The following MALRD1 variants were observed in gnomAD, a reference collection of about 807,000 sequenced individuals.
MALRD1 encodes the protein MAM and LDL receptor class A domain containing 1, also known as MAM and LDL-receptor class A domain-containing protein 1.
A neutral mutation model predicts 242.1 loss-of-function variants in MALRD1; 247 were observed. That is an observed-to-expected ratio of 1.02 (90% confidence interval 0.92 to 1.13). The LOEUF is 1.13. Ranked by LOEUF, MALRD1 falls within the 50% of genes most tolerant of loss-of-function variation. The pLI is 0.00. For synonymous variants in MALRD1, 995 were observed against 866.6 expected (o/e 1.15, Z -2.60); for missense variants, 2,989 against 2,533.1 (o/e 1.18, Z -3.86).
intron 4 of MALRD1, among the ~76,000 whole-genome samples, chr10:19,096,856 G>C (rs953354124): frequency 6.6e-6 from 1 of 152,098 alleles, no homozygotes. Flanking sequence ...AGCTTAGCAC[G>C]GGCTTTGGAG....
At chr10:19,694,650 T>C (rs1833282275) in intron 38 of MALRD1, among the ~76,000 whole-genome samples, 2 of 152,216 alleles carry the variant, frequency 1.3e-5, no homozygotes, top group Non-Finnish European at 2.9e-5. Context: ...TCAACCATTG[T>C]GGAAGACAGT....
chr10:19,384,824 G>A (rs1452259538), intron 26 of MALRD1, among the ~76,000 whole-genome samples: 3 of 150,280 alleles, frequency 2.0e-5, no homozygotes, highest in African/African-American at 7.3e-5. Flanking sequence ...TGCCAAGACT[G>A]GGCATTAATT....
At chr10:19,447,063 T>TAC (rs1177164282) in intron 28 of MALRD1, among the ~76,000 whole-genome samples, 1 of 64,456 alleles carries the variant, frequency 1.6e-5, no homozygotes, top group Non-Finnish European at 3.1e-5. Flanking sequence ...CACACACACA[T>TAC]ACACAGACAC....
chr10:19,567,501 G>A lies in MALRD1; in HGVS notation c.5479-1G>A. 6.5e-7 allele frequency: 1 copy of A among 1,549,828 alleles called. No homozygotes were observed. Among genetic ancestry groups the A allele is most frequent in the Non-Finnish European group, 8.7e-7 (1 of 1,146,494 alleles). On this transcript the variant is annotated splice_acceptor_variant, in intron 32 of 39. Coordinates refer to ENST00000454679, the MANE Select transcript of MALRD1 (RefSeq NM_001142308.3). LOFTEE classifies it high-confidence loss of function. Reference sequence around the variant, plus strand: ...AAGTTATTTTTTAATGATTTTTAAAGGTGTATACCATTGAAGAATCGGGGC... The same window carrying A: ...AAGTTATTTTTTAATGATTTTTAAAAGTGTATACCATTGAAGAATCGGGGC...
At chr10:19,315,797 A>G (rs1373352052) in intron 21 of MALRD1, among the ~76,000 whole-genome samples, 1 of 143,648 alleles carries the variant, frequency 7.0e-6, no homozygotes, top group Non-Finnish European at 1.5e-5. Flanking sequence ...TATAATTTAT[A>G]TAATTTACTA....
At chr10:19,068,936 G>T (rs948380803) in intron 2 of MALRD1, among the ~76,000 whole-genome samples, 1 of 152,074 alleles carries the variant, frequency 6.6e-6, no homozygotes, top group Non-Finnish European at 1.5e-5. Context: ...GGGAAAGAAG[G>T]ATTAAAATGT....
At chr10:19,333,321 C>A (rs766597476) in intron 24 of MALRD1, among the ~76,000 whole-genome samples, 11 of 151,988 alleles carry the variant, frequency 7.2e-5, no homozygotes, top group South Asian at 6.2e-4. Context: ...TAGTAGTCCC[C>A]AGCTCTTATT....
At chr10:19,267,928 A>G (rs1193573265) in intron 19 of MALRD1, among the ~76,000 whole-genome samples, 2 of 152,144 alleles carry the variant, frequency 1.3e-5, no homozygotes, top group African/African-American at 4.8e-5. Flanking sequence ...GAAAAATTTG[A>G]CCAAAGTCTG....
rs199598231 is a variant in MALRD1 at position 19,551,444 on chromosome 10, T to C, written c.5479-16058T>C. Among the ~76,000 whole-genome samples, 67 of 152,304 alleles carry C rather than the reference T, an allele frequency of 4.4e-4. No homozygotes were observed. In the East Asian group the frequency reaches 0.012, roughly 28 times the overall value. ...TATAGGAACGCTACTGATTTTTGTATGCTGATTTTGTATCTTTAGACTTTA... is the reference window on the plus strand; with the variant it reads ...TATAGGAACGCTACTGATTTTTGTACGCTGATTTTGTATCTTTAGACTTTA... On this transcript the variant is annotated intron_variant, in intron 32 of 39. Coordinates refer to ENST00000454679, the MANE Select transcript of MALRD1 (RefSeq NM_001142308.3).
intron 12 of MALRD1, among the ~76,000 whole-genome samples, chr10:19,165,263 A>ATTTTTT (rs1156990613): frequency 7.6e-6 from 1 of 131,232 alleles, no homozygotes; most frequent in South Asian, 2.4e-4. Context: ...ATATATATAT[A>ATTTTTT]TATTTTGTTT....
chr10:19,244,056 T>C (rs968296115), intron 18 of MALRD1, among the ~76,000 whole-genome samples: 1 of 152,202 alleles, frequency 6.6e-6, no homozygotes, highest in Non-Finnish European at 1.5e-5. Context: ...ATCAATATGA[T>C]ATGACTTTTC....
At chr10:19,203,653 T>C in intron 14 of MALRD1, 75 bp from the exon 15 acceptor site, 4 of 1,392,572 alleles carry the variant, frequency 2.9e-6, no homozygotes, top group Non-Finnish European at 3.8e-6. Flanking sequence ...AGGTGAATTC[T>C]ATTTGAGCTC....
At chr10:19,286,487 T>C (rs1346881909) in intron 21 of MALRD1, among the ~76,000 whole-genome samples, 1 of 152,142 alleles carries the variant, frequency 6.6e-6, no homozygotes, top group African/African-American at 2.4e-5. Flanking sequence ...TGTCAAAGGC[T>C]TTTTCTGCAT....
chr10:19,148,788 A>AAAAAAAAATATATATATATATATATATAT (rs1206724666), intron 11 of MALRD1, among the ~76,000 whole-genome samples: 8 of 88,038 alleles, frequency 9.1e-5, no homozygotes, highest in Non-Finnish European at 1.5e-4. Flanking sequence ...AAAAAAAAAA[A>AAAAAAAAATATATATATATATATATATAT]ATATATATAT....
At chr10:19,244,244 T>TAG (rs1838937646) in intron 18 of MALRD1, among the ~76,000 whole-genome samples, 18 of 152,172 alleles carry the variant, frequency 1.2e-4, no homozygotes, top group Admixed American at 6.5e-4. Flanking sequence ...TATCTTTCCT[T>TAG]GCACGCTTAG....
intron 36 of MALRD1, among the ~76,000 whole-genome samples, chr10:19,683,769 T>C (rs1842467376): frequency 6.6e-6 from 1 of 152,210 alleles, no homozygotes; most frequent in South Asian, 2.1e-4. Flanking sequence ...TTTATTTATT[T>C]ATTTATTTTA....
chr10:19,551,486 G>C lies in MALRD1; in HGVS notation c.5479-16016G>C, dbSNP rs1835466248. ...TAGACTTTACTGAAGTTGCTTATCAGCTTAAGAAGCTTTTGCACTGAGACA... is the reference window on the plus strand; with the variant it reads ...TAGACTTTACTGAAGTTGCTTATCACCTTAAGAAGCTTTTGCACTGAGACA... On this transcript the variant is annotated intron_variant, in intron 32 of 39. Coordinates refer to ENST00000454679, the MANE Select transcript of MALRD1 (RefSeq NM_001142308.3). 2.0e-5 allele frequency among the ~76,000 whole-genome samples: 3 copies of C among 152,130 alleles called. 1 individual carries two copies. The highest frequency in any genetic ancestry group is 4.1e-4 in the South Asian group (2 of 4,828).
chr10:19,191,416 T>G (rs901087744), intron 14 of MALRD1, among the ~76,000 whole-genome samples: 1 of 152,200 alleles, frequency 6.6e-6, no homozygotes, highest in South Asian at 2.1e-4. Context: ...GCATAGCTAC[T>G]GTGGAAGAGG....
At chr10:19,133,771 A>T in intron 8 of MALRD1, 85 bp from the exon 9 acceptor site, 1 of 504,490 alleles carries the variant, frequency 2.0e-6, no homozygotes, top group Non-Finnish European at 3.1e-6. Context: ...GGTAATACCT[A>T]CTACAGTGTA....
Sources: gnomAD v4.1 joint callset for allele counts (sites outside exome capture counted in the v4.1 genomes callset) on GRCh38, gnomAD v4.1.1 for gene constraint, MANE v1.5 for transcripts, NCBI Gene and HGNC (gene_info 2026-07-23, HGNC 2026-07-21) for gene names.